The following TXNDC12 variants were observed in gnomAD, a reference collection of about 807,000 sequenced individuals.
TXNDC12 encodes thioredoxin domain containing 12.
TXNDC12 carries 22 observed loss-of-function variants against 24.2 expected under a neutral mutation model. The ratio of observed to expected loss-of-function variants is 0.91; its 90% CI spans 0.65 to 1.30. The LOEUF is 1.30. Ranked by LOEUF, TXNDC12 falls within the 50% of genes most tolerant of loss-of-function variation. TXNDC12 has a pLI of 0.00. For synonymous variants in TXNDC12, 58 were observed against 73.4 expected, an observed-to-expected ratio of 0.79 and a Z score of 1.07; for missense variants, 184 against 205.8, an observed-to-expected ratio of 0.89 and a Z score of 0.65.
At chr1:52,022,098 A>G (rs1013208251) in intron 6 of TXNDC12, among the ~76,000 whole-genome samples, 1 of 152,222 alleles carries the variant, frequency 6.6e-6, no homozygotes, top group Non-Finnish European at 1.5e-5. Flanking sequence ...GTTAAGGAAC[A>G]TGACATTCTC....
chr1:52,021,718 C>G (rs1206400550), intron 6 of TXNDC12, among the ~76,000 whole-genome samples: 1 of 152,144 alleles, frequency 6.6e-6, no homozygotes, highest in Non-Finnish European at 1.5e-5. Flanking sequence ...GGTGGTTCTA[C>G]AAAGCACCCC....
rs564675266 is a variant in TXNDC12 at position 52,049,907 on chromosome 1, T to C, written c.97+5093A>G. 5.3e-5 allele frequency among the ~76,000 whole-genome samples: 8 copies of C among 152,340 alleles called. No homozygotes were observed. In the South Asian group the frequency reaches 1.7e-3, roughly 32 times the overall value. On this transcript the variant is annotated intron_variant, in intron 1 of 6. Coordinates refer to ENST00000371626, the MANE Select transcript of TXNDC12 (RefSeq NM_015913.4). ...AATGACTAACACATGAAATTTATTATGTGCCAGGTACTTAAATGCTTTTAT... is the reference window on the plus strand; with the variant it reads ...AATGACTAACACATGAAATTTATTACGTGCCAGGTACTTAAATGCTTTTAT...
At chr1:52,036,899 T>A (rs1685892705) in intron 2 of TXNDC12, among the ~76,000 whole-genome samples, 2 of 152,226 alleles carry the variant, frequency 1.3e-5, no homozygotes, top group South Asian at 4.1e-4. Context: ...ATCCACAATC[T>A]CTTTCATGAT....
chr1:52,027,534 A>G (rs1295587765), intron 3 of TXNDC12, among the ~76,000 whole-genome samples, 186 bp from the exon 4 acceptor site: 2 of 152,148 alleles, frequency 1.3e-5, no homozygotes, highest in Non-Finnish European at 2.9e-5. Flanking sequence ...CTGCACAGCT[A>G]TGTGACCTTG....
chr1:52,027,137 G>T (rs1571998611), intron 4 of TXNDC12, 138 bp downstream of exon 4: 2 of 584,074 alleles, frequency 3.4e-6, no homozygotes, highest in Non-Finnish European at 6.1e-6. Context: ...GCAAGCCTTA[G>T]TATTAGCGGT....
At position 52,035,866 on chromosome 1, in the gene TXNDC12, T is replaced by C. The variant is rs77378287; in HGVS notation, c.158+5671A>G. Among the ~76,000 whole-genome samples the C allele has an allele frequency of 0.01, 1,542 of 152,322 alleles. 80 individuals carry two copies. In the East Asian group the frequency reaches 0.13, roughly 13 times the overall value. On this transcript the variant is annotated intron_variant, in intron 2 of 6. Transcript: ENST00000371626. ...CTTGATTCTAGCAGGCAGTATGGTA[T>C]ACAGGTTTAAAGAGCAGGCTCTGAA...
At chr1:52,037,052 TA>T (rs1470020925) in intron 2 of TXNDC12, among the ~76,000 whole-genome samples, 1 of 152,200 alleles carries the variant, frequency 6.6e-6, no homozygotes, top group Non-Finnish European at 1.5e-5. Context: ...ATAATCCTCC[TA>T]AACTTTCATG....
At position 52,032,474 on chromosome 1, in the gene TXNDC12, T is replaced by G. The variant is rs559150767; in HGVS notation, c.159-3844A>C. On this transcript the variant is annotated intron_variant, in intron 2 of 6. Transcript: ENST00000371626. ...CCTTAGCTCTGTCCTCTGAGGGATT[T>G]GCCAGGTTGCACCACAATAGTTCTC... The G allele has an allele frequency of 4.0e-5, 52 of 1,316,036 alleles. No individual in the cohort carries two copies. The African/African-American group carries it at 6.8e-4, about 17-fold the overall frequency. 81.5% of individuals were successfully genotyped at this position (1,316,036 alleles called of 1,614,324 possible).
In TXNDC12 at chr1:52,027,259, ACT is replaced by A. The variant is rs751508999; in HGVS notation, c.285+14_285+15del. 2.7e-5 allele frequency: 43 copies of A among 1,579,098 alleles called. No homozygotes were observed. The highest frequency in any genetic ancestry group is 3.4e-5 in the Non-Finnish European group (39 of 1,151,086). ...CTTAAAATCATAGCAGAAAGGAGAA[ACT>A]CTCAAAGTCTTACCTCAAGATTTAC... On this transcript the variant is annotated intron_variant, in intron 4 of 6. Coordinates refer to ENST00000371626, the MANE Select transcript of TXNDC12 (RefSeq NM_015913.4).
In TXNDC12 at chr1:52,034,031, C is replaced by G. The variant is rs565903048; in HGVS notation, c.159-5401G>C. 1.5e-5 allele frequency: 20 copies of G among 1,377,150 alleles called. No homozygotes were observed. In the East Asian group the frequency reaches 5.3e-4, roughly 37 times the overall value. The allele number at this position is 1,377,150 out of a possible 1,614,324, so 85.3% of individuals were successfully genotyped here. Reference sequence around the variant, plus strand: ...GATCTTCCTGCAGCGAAAGACTGCCCGTCCATTTTATTAATAAGGCCTAAG... The same window carrying G: ...GATCTTCCTGCAGCGAAAGACTGCCGGTCCATTTTATTAATAAGGCCTAAG... On this transcript the variant is annotated intron_variant, in intron 2 of 6. Transcript: ENST00000371626.
chr1:52,021,043 T>G (rs1685588666), intron 6 of TXNDC12, 31 bp from the exon 7 acceptor site: 10 of 1,507,866 alleles, frequency 6.6e-6, no homozygotes, highest in Non-Finnish European at 9.2e-6. Context: ...GAAAAAAGTA[T>G]GAAGTAAGTA....
intron 6 of TXNDC12, chr1:52,023,269 C>T (rs1685626829): frequency 4.7e-6 from 2 of 422,934 alleles, no homozygotes; most frequent in African/African-American, 2.1e-5. Flanking sequence ...CACTTGTGTG[C>T]CTCAGTTCTT....
chr1:52,032,494 G>T, intron 2 of TXNDC12: 1 of 1,345,076 alleles, frequency 7.4e-7, no homozygotes, highest in Non-Finnish European at 9.5e-7. Context: ...CACCACAATA[G>T]TTCTCCATTC....
rs184285668 is a variant in TXNDC12, at chr1:52,039,796, G to C, written c.158+1741C>G. Among the ~76,000 whole-genome samples, 7 of 152,308 alleles carry C rather than the reference G, an allele frequency of 4.6e-5. No homozygotes were observed. The East Asian group carries it at 1.2e-3, about 25-fold the overall frequency. ...ATTATTAGTAATGTTATATACTACA[G>C]TTAATTTTTATGCAGTTATGATTTA... is the stretch of plus-strand genomic sequence containing the variant. On this transcript the variant is annotated intron_variant, in intron 2 of 6. Coordinates refer to ENST00000371626, the MANE Select transcript of TXNDC12 (RefSeq NM_015913.4).
At chr1:52,039,886 G>C (rs1685954011) in intron 2 of TXNDC12, among the ~76,000 whole-genome samples, 1 of 151,838 alleles carries the variant, frequency 6.6e-6, no homozygotes, top group Non-Finnish European at 1.5e-5. Context: ...GTGGTCTATA[G>C]GTGTTTGTGT....
intron 4 of TXNDC12, among the ~76,000 whole-genome samples, chr1:52,025,242 G>A (rs1685656176): frequency 2.7e-5 from 4 of 149,682 alleles, no homozygotes. Flanking sequence ...TTTTTGAGAC[G>A]GAGTCTCGCT....
chr1:52,043,090 C>T (rs76752350), intron 1 of TXNDC12, among the ~76,000 whole-genome samples: 96 of 152,292 alleles, frequency 6.3e-4, no homozygotes, highest in African/African-American at 2.2e-3. Context: ...GAGAGTAGCA[C>T]GCACTCTCTC....
At chr1:52,032,170 CA>C in intron 2 of TXNDC12, 11 of 983,636 alleles carry the variant, frequency 1.1e-5, no homozygotes, top group Non-Finnish European at 1.3e-5. Flanking sequence ...TCCACAAAAA[CA>C]AAGTTTCTCA....
At chr1:52,037,244 C>A (rs1465215740) in intron 2 of TXNDC12, among the ~76,000 whole-genome samples, 1 of 135,154 alleles carries the variant, frequency 7.4e-6, no homozygotes, top group African/African-American at 2.8e-5. Flanking sequence ...CAGAATTTCA[C>A]TCTTGTTGCC....
Sources: allele counts gnomAD v4.1 joint callset (sites outside exome capture counted in the v4.1 genomes callset), GRCh38; gene constraint gnomAD v4.1.1; transcripts MANE v1.5; gene names NCBI Gene and HGNC (gene_info 2026-07-23, HGNC 2026-07-21).